The following TOP6BL variants were observed in gnomAD, a reference collection of about 807,000 sequenced individuals.
TOP6BL encodes the protein TOP6B like initiator of meiotic double strand breaks, also known as type 2 DNA topoisomerase 6 subunit B-like.
the TOP6BL span, among the ~76,000 whole-genome samples, chr11:66,813,298 C>T: frequency 1.3e-5 from 2 of 152,138 alleles, no homozygotes; most frequent in Admixed American, 6.5e-5. Context: ...AATCTATGAC[C>T]ATGTGAACCG....
At chr11:66,826,426 C>T in the TOP6BL span, among the ~76,000 whole-genome samples, 2 of 152,092 alleles carry the variant, frequency 1.3e-5, no homozygotes, top group Non-Finnish European at 2.9e-5. Context: ...TCAGTTAATA[C>T]CTTTATGTAA....
the TOP6BL span, among the ~76,000 whole-genome samples, chr11:66,754,995 C>T: frequency 6.6e-6 from 1 of 152,148 alleles, no homozygotes; most frequent in Non-Finnish European, 1.5e-5. Context: ...TACTGCCATG[C>T]CTGAGTGTTT....
At chr11:66,843,359 G>GGCGGGGCGGGGCGGGGCGTGGAGCC in the TOP6BL span, 1 of 1,428,944 alleles carries the variant, frequency 7.0e-7, no homozygotes, top group Non-Finnish European at 9.1e-7. Flanking sequence ...GTCGGGCCCG[G>GGCGGGGCGGGGCGGGGCGTGGAGCC]GCGGGGCGGG....
At chr11:66,770,550 A>G in the TOP6BL span, among the ~76,000 whole-genome samples, 1 of 152,126 alleles carries the variant, frequency 6.6e-6, no homozygotes, top group East Asian at 1.9e-4. Context: ...CTAAAAATAC[A>G]AAAATTAGCT....
chr11:66,775,112 C>CAAAAAAA, the TOP6BL span, among the ~76,000 whole-genome samples: 2 of 57,988 alleles, frequency 3.4e-5, no homozygotes, highest in South Asian at 8.4e-4. Flanking sequence ...GACTCTGTCT[C>CAAAAAAA]AAAAAAAAAA....
At chr11:66,821,305 T>C in the TOP6BL span, among the ~76,000 whole-genome samples, 1 of 100,222 alleles carries the variant, frequency 1.0e-5, no homozygotes. Flanking sequence ...TTTTTTTTTT[T>C]GAGACGGAGT....
the TOP6BL span, among the ~76,000 whole-genome samples, chr11:66,816,715 G>C: frequency 2.6e-5 from 4 of 152,144 alleles, no homozygotes; most frequent in African/African-American, 7.2e-5. Context: ...ATGCATGCCA[G>C]TGCACCTGGA....
the TOP6BL span, among the ~76,000 whole-genome samples, chr11:66,781,541 C>CG: frequency 1.3e-5 from 2 of 151,894 alleles, no homozygotes; most frequent in African/African-American, 4.8e-5. Flanking sequence ...GGTTCTGTTT[C>CG]TTTTCTTTTT....
At chr11:66,780,152 A>AT in the TOP6BL span, among the ~76,000 whole-genome samples, 1 of 152,112 alleles carries the variant, frequency 6.6e-6, no homozygotes, top group Non-Finnish European at 1.5e-5. Context: ...TAAAACTTTC[A>AT]TAAAAAAAAA....
At chr11:66,754,341 C>T in the TOP6BL span, among the ~76,000 whole-genome samples, 2 of 151,898 alleles carry the variant, frequency 1.3e-5, no homozygotes, top group East Asian at 1.9e-4. Flanking sequence ...TTTTTAAAAT[C>T]GTTTCTCTCA....
At chr11:66,797,667 G>A in the TOP6BL span, among the ~76,000 whole-genome samples, 6 of 151,910 alleles carry the variant, frequency 3.9e-5, no homozygotes, top group East Asian at 1.9e-4. Context: ...ACCACACCTC[G>A]CTAATTTTTG....
chr11:66,839,516 G>C, the TOP6BL span, among the ~76,000 whole-genome samples: 3 of 151,932 alleles, frequency 2.0e-5, no homozygotes, highest in Admixed American at 6.5e-5. Flanking sequence ...ACCTATGCTT[G>C]GTTGGTAAAT....
chr11:66,756,579 TA>T, the TOP6BL span: 1 of 988,194 alleles, frequency 1.0e-6, no homozygotes, highest in Non-Finnish European at 1.2e-6. Context: ...TGCTTTTATA[TA>T]AAAACGATAA....
the TOP6BL span, among the ~76,000 whole-genome samples, chr11:66,816,838 C>G: frequency 6.6e-6 from 1 of 152,088 alleles, no homozygotes; most frequent in African/African-American, 2.4e-5. Context: ...TCGGCATCCC[C>G]AAGTGCTTGT....
the TOP6BL span, among the ~76,000 whole-genome samples, chr11:66,775,619 C>T: frequency 6.6e-6 from 1 of 152,156 alleles, no homozygotes; most frequent in Admixed American, 6.5e-5. Context: ...TGAGGGGGTA[C>T]TCCTTTAGCC....
the TOP6BL span, among the ~76,000 whole-genome samples, chr11:66,836,858 G>T: frequency 6.6e-6 from 1 of 151,290 alleles, no homozygotes; most frequent in Non-Finnish European, 1.5e-5. Flanking sequence ...GCGCCACCAC[G>T]CCTGGCTAAT....
At chr11:66,746,512 C>G in the TOP6BL span, among the ~76,000 whole-genome samples, 1 of 152,030 alleles carries the variant, frequency 6.6e-6, no homozygotes, top group Non-Finnish European at 1.5e-5. Context: ...GTCGGGAGTT[C>G]AAGACCAGCC....
At chr11:66,758,988 T>G in the TOP6BL span, 2 of 1,320,158 alleles carry the variant, frequency 1.5e-6, no homozygotes, top group Non-Finnish European at 2.1e-6. Context: ...TTTGATTCTT[T>G]CAATAGAATG....
At chr11:66,818,928 AGTT>A in the TOP6BL span, among the ~76,000 whole-genome samples, 1 of 152,224 alleles carries the variant, frequency 6.6e-6, no homozygotes, top group African/African-American at 2.4e-5. Flanking sequence ...GCAGTATCTC[AGTT>A]GTTGTACTCA....
Sources: allele counts gnomAD v4.1 joint callset (sites outside exome capture counted in the v4.1 genomes callset), GRCh38; gene constraint gnomAD v4.1.1; transcripts MANE v1.5; gene names NCBI Gene and HGNC (gene_info 2026-07-23, HGNC 2026-07-21).